Variants in CEMIP observed in about 807,000 individuals in gnomAD.
CEMIP encodes cell migration-inducing and hyaluronan-binding protein.
A neutral mutation model predicts 156.9 loss-of-function variants in CEMIP; 105 were observed. That is an observed-to-expected ratio of 0.67 (90% CI 0.57 to 0.79). The LOEUF is 0.79. Among genes scored for constraint, CEMIP ranks in the 30% least tolerant of loss-of-function variants. The probability of loss-of-function intolerance (pLI) is 0.00; values close to 1 mark genes in which losing one functional copy is unlikely to be tolerated. For missense variants in CEMIP, 1,457 were observed against 1,769.4 expected (o/e 0.82, Z 3.17); for synonymous variants, 676 against 668.4 (o/e 1.01, Z -0.17).
chr15:80,880,976 T>C lies in CEMIP; in HGVS notation c.457T>C (p.Leu153=). Residue 153 remains leucine, a synonymous_variant, in exon 6 of 30, where the codon TTG becomes CTG. Transcript: ENST00000394685. ...GGTTGGTAAAGGAGGCGCTCTTGAG[T>C]TGCATGGACAGAAAAAGCTCTCCTG... The part of the protein sequence containing the change: ...IGVGKGGALE[L]HGQKKLSWTF... The C allele has an allele frequency of 5.0e-6, 8 of 1,614,156 alleles. No individual in the cohort carries two copies. Among genetic ancestry groups the C allele is most frequent in the Non-Finnish European group, 6.8e-6 (8 of 1,180,028 alleles).
chr15:80,897,127 A>AG (rs1404848026), intron 12 of CEMIP: 1 of 336,612 alleles, frequency 3.0e-6, no homozygotes, highest in Non-Finnish European at 5.9e-6. Context: ...ACCAGAAGAA[A>AG]GGGGAATCAG....
intron 16 of CEMIP, 107 bp downstream of exon 16, chr15:80,921,208 G>A: frequency 9.8e-7 from 1 of 1,022,202 alleles, no homozygotes; most frequent in South Asian, 1.3e-5. Flanking sequence ...CCCAAGCCCA[G>A]ATATCCATGC....
At chr15:80,881,378 G>T (rs529044844) in intron 6 of CEMIP, among the ~76,000 whole-genome samples, 1 of 152,340 alleles carries the variant, frequency 6.6e-6, no homozygotes, top group Admixed American at 6.5e-5. Flanking sequence ...ATAATTGGTA[G>T]TAAGGGGGAA....
intron 1 of CEMIP, among the ~76,000 whole-genome samples, chr15:80,816,292 C>A (rs189205042): frequency 6.6e-6 from 1 of 152,162 alleles, no homozygotes; most frequent in African/African-American, 2.4e-5. Context: ...GCTAGGCTAG[C>A]TACCACTCAC....
chr15:80,824,094 C>A (rs1376363633), intron 1 of CEMIP, among the ~76,000 whole-genome samples: 1 of 152,182 alleles, frequency 6.6e-6, no homozygotes, highest in Non-Finnish European at 1.5e-5. Context: ...CCTGGGACAG[C>A]AATTAGGCTT....
At chr15:80,889,348 G>A in intron 9 of CEMIP, 123 bp from the exon 10 acceptor site, 4 of 1,397,672 alleles carry the variant, frequency 2.9e-6, no homozygotes, top group Non-Finnish European at 4.0e-6. Context: ...CCCCAGCCTG[G>A]TGCAACCATG....
rs74917573 is a variant in CEMIP, at chr15:80,887,861, G to A, written c.868+97G>A. ...AACATCTCACTTTTCTCAGAGCATG[G>A]CTTCCCAGCTCCCAATGTCTAGATG... On this transcript the variant is annotated intron_variant, in intron 8 of 29. Transcript: ENST00000394685. 656 of 1,008,576 alleles carry A rather than the reference G, an allele frequency of 6.5e-4. 2 individuals are homozygous for A. The African/African-American group carries it at 8.7e-3, about 13-fold the overall frequency. 62.5% of individuals were successfully genotyped at this position (1,008,576 alleles called of 1,614,324 possible).
intron 4 of CEMIP, 65 bp downstream of exon 4, chr15:80,878,932 G>T: frequency 6.2e-7 from 1 of 1,601,158 alleles, no homozygotes; most frequent in South Asian, 1.1e-5. Context: ...CAGATAGGAT[G>T]CAGGTTGCCA....
At chr15:80,795,657 G>A (rs1459406586) in intron 1 of CEMIP, among the ~76,000 whole-genome samples, 1 of 152,216 alleles carries the variant, frequency 6.6e-6, no homozygotes, top group African/African-American at 2.4e-5. Context: ...TGAAAAGCCA[G>A]GTGCAGTGGC....
At chr15:80,808,692 G>T (rs1896578048) in intron 1 of CEMIP, among the ~76,000 whole-genome samples, 1 of 151,808 alleles carries the variant, frequency 6.6e-6, no homozygotes, top group Non-Finnish European at 1.5e-5. Context: ...AAGTAGTTTG[G>T]GTAGCATCTG....
In CEMIP at chr15:80,839,289, A is replaced by ATGTGTGTGTGTGTGTGTGTGTGT. The variant is rs71455356; in HGVS notation, c.-175-34249_-175-34248insTGTGTGTGTGTGTGTGTGTGTGT. 2.1e-3 allele frequency among the ~76,000 whole-genome samples: 274 copies of ATGTGTGTGTGTGTGTGTGTGTGT among 131,172 alleles called. 5 individuals carry two copies. Among genetic ancestry groups the ATGTGTGTGTGTGTGTGTGTGTGT allele is most frequent in the African/African-American group, 8.2e-3 (269 of 32,650 alleles). 86.1% of individuals were successfully genotyped at this position (131,172 alleles called of 152,430 possible). A position where few individuals can be genotyped will look rare whatever the true frequency, so the allele number is the denominator to read the frequency against. On this transcript the variant is annotated intron_variant, in intron 1 of 29. Coordinates refer to ENST00000394685, the MANE Select transcript of CEMIP (RefSeq NM_001293298.2). ...TGAAGGCTGTGGAGTCAAGGCCGTG[A>ATGTGTGTGTGTGTGTGTGTGTGT]GTGTGTGTGTGTGTGTGTGTGTGTG...
intron 1 of CEMIP, among the ~76,000 whole-genome samples, chr15:80,816,133 T>A (rs1896783525): frequency 6.6e-6 from 1 of 152,214 alleles, no homozygotes; most frequent in South Asian, 2.1e-4. Context: ...GATGGCTGCA[T>A]GTGGATTTCA....
intron 1 of CEMIP, among the ~76,000 whole-genome samples, chr15:80,798,415 G>A (rs541198113): frequency 3.4e-4 from 51 of 152,110 alleles, no homozygotes; most frequent in Non-Finnish European, 6.2e-4. Flanking sequence ...AAGTTTTGCT[G>A]ATTTCCATAG....
intron 1 of CEMIP, among the ~76,000 whole-genome samples, chr15:80,801,950 G>A (rs976673619): frequency 6.6e-6 from 1 of 152,178 alleles, no homozygotes; most frequent in African/African-American, 2.4e-5. Context: ...GTATACAGGA[G>A]GATGTATGTA....
intron 12 of CEMIP, 79 bp downstream of exon 12, chr15:80,896,139 A>G: frequency 7.2e-7 from 1 of 1,391,608 alleles, no homozygotes; most frequent in Non-Finnish European, 1.0e-6. Context: ...AGTTACAACA[A>G]ATCTGTATCA....
At chr15:80,939,828 G>C (rs142120645) in intron 25 of CEMIP, among the ~76,000 whole-genome samples, 4 of 152,278 alleles carry the variant, frequency 2.6e-5, no homozygotes, top group Non-Finnish European at 4.4e-5. Flanking sequence ...CTTATACTCA[G>C]AGCACCTGCC....
chr15:80,894,031 G>A (rs1322534104), intron 10 of CEMIP, among the ~76,000 whole-genome samples: 1 of 152,126 alleles, frequency 6.6e-6, no homozygotes. Context: ...GCCCTCCCTG[G>A]AGGCCTGCTC....
intron 1 of CEMIP, among the ~76,000 whole-genome samples, chr15:80,807,205 A>G (rs1415045659): frequency 6.6e-6 from 1 of 151,510 alleles, no homozygotes; most frequent in Non-Finnish European, 1.5e-5. Flanking sequence ...TTAAAGGAAG[A>G]GTAGAGACAA....
intron 25 of CEMIP, among the ~76,000 whole-genome samples, chr15:80,938,733 T>C (rs889767791): frequency 2.6e-5 from 4 of 152,232 alleles, no homozygotes; most frequent in Non-Finnish European, 5.9e-5. Context: ...CACTAGGTTC[T>C]ATTCAATAGA....
Sources: allele counts gnomAD v4.1 joint callset (sites outside exome capture counted in the v4.1 genomes callset), GRCh38; gene constraint gnomAD v4.1.1; transcripts MANE v1.5; gene names NCBI Gene and HGNC (gene_info 2026-07-23, HGNC 2026-07-21).